Variants in GALNT2 observed in about 807,000 individuals in gnomAD.
GALNT2 encodes the protein polypeptide N-acetylgalactosaminyltransferase 2.
A neutral mutation model predicts 81.4 loss-of-function variants in GALNT2; 31 were observed. The ratio of observed to expected loss-of-function variants is 0.38; its 90% CI spans 0.29 to 0.51. The LOEUF is 0.51. Among genes scored for constraint, GALNT2 ranks in the 20% least tolerant of loss-of-function variants. The probability of loss-of-function intolerance (pLI) is 0.87; values close to 1 mark genes in which losing one functional copy is unlikely to be tolerated. For missense variants in GALNT2, 629 were observed against 765.7 expected (o/e 0.82, Z 2.11); for synonymous variants, 303 against 287.4 (o/e 1.05, Z -0.55).
chr1:230,236,897 G>A (rs1276265752), intron 6 of GALNT2, among the ~76,000 whole-genome samples, 172 bp downstream of exon 6: 1 of 152,186 alleles, frequency 6.6e-6, no homozygotes, highest in Non-Finnish European at 1.5e-5. Flanking sequence ...GACATTAAAA[G>A]CTTGACTAAT....
intron 1 of GALNT2, among the ~76,000 whole-genome samples, chr1:230,147,522 C>T (rs1213481719): frequency 6.6e-6 from 1 of 152,224 alleles, no homozygotes; most frequent in African/African-American, 2.4e-5. Flanking sequence ...CTGCCGTGTG[C>T]CTGGCTTGGC....
At chr1:230,062,036 A>C (rs923119102) in intron 1 of GALNT2, among the ~76,000 whole-genome samples, 1 of 152,056 alleles carries the variant, frequency 6.6e-6, no homozygotes, top group Non-Finnish European at 1.5e-5. Context: ...CGTCTTCCTT[A>C]TTTATTTATT....
chr1:230,265,397 C>T (rs1449244701), intron 14 of GALNT2, 30 bp downstream of exon 14: 1 of 1,613,976 alleles, frequency 6.2e-7, no homozygotes, highest in East Asian at 2.2e-5. Flanking sequence ...AGGTCACCTG[C>T]AGGCCCAGAG....
chr1:230,191,558 T>C (rs11588987), intron 2 of GALNT2, among the ~76,000 whole-genome samples: 21,897 of 152,250 alleles, frequency 0.14, 1,906 homozygotes, highest in South Asian at 0.29. Flanking sequence ...CCAACCCAGG[T>C]TGGAGTGCAG....
chr1:230,108,222 G>T (rs1053290892), intron 1 of GALNT2, among the ~76,000 whole-genome samples: 12 of 152,294 alleles, frequency 7.9e-5, no homozygotes, highest in African/African-American at 2.9e-4. Context: ...TTCTAATTGG[G>T]CATACAAGCA....
intron 1 of GALNT2, among the ~76,000 whole-genome samples, chr1:230,108,001 T>C (rs1244258210): frequency 6.6e-6 from 1 of 152,136 alleles, no homozygotes; most frequent in Non-Finnish European, 1.5e-5. Context: ...CATCATAAAA[T>C]GCTGTGAAAG....
chr1:230,203,232 C>G lies in GALNT2; in HGVS notation c.316C>G (p.Gln106Glu). The G allele has an allele frequency of 6.2e-7, 1 of 1,614,196 alleles. No individual in the cohort carries two copies. The highest frequency in any genetic ancestry group is 1.6e-4 in the Middle Eastern group (1 of 6,062). ...CCCTTACGCCCGCAACAAGTTCAACCAGGTGGAGAGTGATAAGCTTCGAAT... is the reference window on the plus strand; with the variant it reads ...CCCTTACGCCCGCAACAAGTTCAACGAGGTGGAGAGTGATAAGCTTCGAAT... Reference protein sequence around the residue: ...QDPYARNKFNQVESDKLRMDR... With the variant: ...QDPYARNKFNEVESDKLRMDR... Residue 106 changes from glutamine to glutamate, a missense_variant, in exon 3 of 16, where the codon CAG becomes GAG. Physicochemically the swap from Gln to Glu is conservative, Grantham distance 29. Transcript: ENST00000366672.
intron 1 of GALNT2, among the ~76,000 whole-genome samples, chr1:230,147,248 T>G (rs1468975339): frequency 6.6e-6 from 1 of 152,234 alleles, no homozygotes; most frequent in Non-Finnish European, 1.5e-5. Context: ...CAAGATGTTG[T>G]CCCTGGACTG....
intron 1 of GALNT2, among the ~76,000 whole-genome samples, chr1:230,155,116 G>A (rs1662207596): frequency 6.6e-6 from 1 of 152,120 alleles, no homozygotes; most frequent in South Asian, 2.1e-4. Flanking sequence ...CCCCCACCCC[G>A]TTTCCGCGTG....
At chr1:230,214,771 C>T (rs1296677156) in intron 3 of GALNT2, among the ~76,000 whole-genome samples, 1 of 152,114 alleles carries the variant, frequency 6.6e-6, no homozygotes, top group African/African-American at 2.4e-5. Context: ...TTAGATAATT[C>T]TGCGTTTCCT....
chr1:230,230,599 G>A (rs1361317716), intron 3 of GALNT2, among the ~76,000 whole-genome samples: 1 of 152,214 alleles, frequency 6.6e-6, no homozygotes, highest in Non-Finnish European at 1.5e-5. Context: ...CTCCTTCAGG[G>A]AGGAACTGAG....
chr1:230,170,679 C>A (rs1318235931), intron 1 of GALNT2, among the ~76,000 whole-genome samples: 5 of 152,172 alleles, frequency 3.3e-5, no homozygotes, highest in African/African-American at 9.7e-5. Context: ...GCAACAGAAT[C>A]TGCTTCTGGT....
intron 11 of GALNT2, among the ~76,000 whole-genome samples, chr1:230,259,292 A>G (rs1665808581): frequency 6.6e-6 from 1 of 152,238 alleles, no homozygotes; most frequent in African/African-American, 2.4e-5. Context: ...ACCTAAGTCA[A>G]AGTACAAAAT....
rs566703606 is a variant in GALNT2, at chr1:230,257,978, G to A, written c.1136+2634G>A. Among the ~76,000 whole-genome samples the A allele has an allele frequency of 1.2e-4, 18 of 152,258 alleles. No individual in the cohort carries two copies. Among genetic ancestry groups the A allele is most frequent in the African/African-American group, 4.1e-4 (17 of 41,540 alleles). Reference sequence around the variant, plus strand: ...TGCCCAGGCTGGAGTGCAAAGGTGCGATCTCGGCTCACTGCAACCTCCACT... The same window carrying A: ...TGCCCAGGCTGGAGTGCAAAGGTGCAATCTCGGCTCACTGCAACCTCCACT... On this transcript the variant is annotated intron_variant, in intron 11 of 15. Coordinates refer to ENST00000366672, the MANE Select transcript of GALNT2 (RefSeq NM_004481.5). The surrounding 1 kb of genome is among the most constrained non-coding windows in gnomAD (Gnocchi z 4.6).
intron 1 of GALNT2, among the ~76,000 whole-genome samples, chr1:230,119,713 T>G (rs911593136): frequency 2.6e-5 from 4 of 152,236 alleles, no homozygotes; most frequent in Non-Finnish European, 5.9e-5. Context: ...AGTTTCTTCC[T>G]TTTATTTATC....
rs943322825 is a variant in GALNT2, at chr1:230,067,239, C to T, written c.-42C>T. On this transcript the variant is annotated 5_prime_UTR_variant, in exon 1 of 16. Transcript: ENST00000366672. ...GCGCCCGCGGCCGGCCCAGGCAGCACTCGCGAGCAGCGGCGGCCCCGCCGG... is the reference window on the plus strand; with the variant it reads ...GCGCCCGCGGCCGGCCCAGGCAGCATTCGCGAGCAGCGGCGGCCCCGCCGG... 474 of 1,234,002 alleles carry T rather than the reference C, an allele frequency of 3.8e-4. No individual in the cohort carries two copies. The highest frequency in any genetic ancestry group is 4.6e-4 in the Non-Finnish European group (450 of 980,028). The allele number at this position is 1,234,002 out of a possible 1,614,324, so 76.4% of individuals were successfully genotyped here. A position where few individuals can be genotyped will look rare whatever the true frequency, so the allele number is the denominator to read the frequency against.
rs762175243 is a variant in GALNT2, at chr1:230,203,119, C to T, written c.221-18C>T. The T allele has an allele frequency of 2.5e-6, 4 of 1,611,102 alleles. No individual in the cohort carries two copies. The highest frequency in any genetic ancestry group is 3.4e-6 in the Non-Finnish European group (4 of 1,177,692). ...TCACATTTTCCCTCATCCCTACCCT[C>T]TGCTCTGCTCTTTTTAGGGAAAGTA... On this transcript the variant is annotated intron_variant, in intron 2 of 15. Coordinates refer to ENST00000366672, the MANE Select transcript of GALNT2 (RefSeq NM_004481.5).
chr1:230,176,338 A>G (rs922717187), intron 1 of GALNT2, among the ~76,000 whole-genome samples: 1 of 152,216 alleles, frequency 6.6e-6, no homozygotes, highest in African/African-American at 2.4e-5. Context: ...GATAATGACT[A>G]CAGATGATGA....
At chr1:230,252,732 C>T (rs1425756211) in intron 10 of GALNT2, among the ~76,000 whole-genome samples, 1 of 152,006 alleles carries the variant, frequency 6.6e-6, no homozygotes, top group Non-Finnish European at 1.5e-5. Context: ...CCCTTGTTGG[C>T]TTAACAGATT....
Sources: allele counts gnomAD v4.1 joint callset (sites outside exome capture counted in the v4.1 genomes callset), GRCh38; gene constraint gnomAD v4.1.1; non-coding constraint Gnocchi (gnomAD v3.1); transcripts MANE v1.5; gene names NCBI Gene and HGNC (gene_info 2026-07-23, HGNC 2026-07-21).